Variants in SLC18A2 observed in about 807,000 individuals in gnomAD.
SLC18A2 encodes synaptic vesicular amine transporter.
In SLC18A2, 33 loss-of-function variants were observed where a neutral mutation model predicts 59.2. That is an observed-to-expected ratio of 0.56 (90% CI 0.42 to 0.75). SLC18A2 has a LOEUF of 0.75. SLC18A2 is among the 30% of genes least tolerant of loss of function. The probability of loss-of-function intolerance (pLI) is 0.00; values close to 1 mark genes in which losing one functional copy is unlikely to be tolerated. For missense variants in SLC18A2, 569 were observed against 668.6 expected, an observed-to-expected ratio of 0.85 and a Z score of 1.64; for synonymous variants, 228 against 253.5, an observed-to-expected ratio of 0.90 and a Z score of 0.95.
intron 3 of SLC18A2, among the ~76,000 whole-genome samples, chr10:117,246,244 G>A (rs567182692): frequency 2.0e-5 from 3 of 152,346 alleles, no homozygotes; most frequent in Admixed American, 6.5e-5. Flanking sequence ...TGGGTGGAAC[G>A]TTACTAGCCG....
intron 10 of SLC18A2, among the ~76,000 whole-genome samples, chr10:117,266,050 G>A (rs2532808): frequency 0.82 from 120,599 of 147,890 alleles, 50,261 homozygotes; most frequent in Non-Finnish European, 0.91. Flanking sequence ...AGATCGTGCC[G>A]CTGCACTCCA....
rs1044557375 is a variant in SLC18A2 at position 117,253,088 on chromosome 10, G to T, written c.465-311G>T. On this transcript the variant is annotated intron_variant, in intron 3 of 15. Transcript: ENST00000644641. ...GCTTTAGCAAAGACTATAATTAAAG[G>T]AATCATTTTTTAAAAATGACAGAAA... Among the ~76,000 whole-genome samples, 8 of 152,256 alleles carry T rather than the reference G, an allele frequency of 5.3e-5. No individual in the cohort carries two copies. In the South Asian group the frequency reaches 1.7e-3, roughly 32 times the overall value.
In SLC18A2 at chr10:117,269,683, CAT is replaced by C. The variant is rs1404242674; in HGVS notation, c.1187-387_1187-386del. 6.6e-6 allele frequency among the ~76,000 whole-genome samples: 1 copy of C among 152,210 alleles called. No individual in the cohort carries two copies. The highest frequency in any genetic ancestry group is 1.9e-4 in the East Asian group (1 of 5,200). On this transcript the variant is annotated intron_variant, in intron 13 of 15. Coordinates refer to ENST00000644641, the MANE Select transcript of SLC18A2 (RefSeq NM_003054.6). The surrounding 1 kb of genome is among the most constrained non-coding windows in gnomAD (Gnocchi z 5.1). ...TCAGAGGTTGGTGCCCTCCCCTCCA[CAT>C]GTGTCAGTGGCAGGCACATGAGGAA...
Position 117,241,693 on chromosome 10 carries a change from C to A in SLC18A2, c.-1C>A. On this transcript the variant is annotated 5_prime_UTR_variant, in exon 2 of 16. Transcript: ENST00000644641. ...CGCGCCCGCAGCGGAGCCCCGGAGC[C>A]ATGGCCCTGAGCGAGCTGGCGCTGG... The A allele has an allele frequency of 6.3e-7, 1 of 1,588,914 alleles. No individual in the cohort carries two copies.
chr10:117,241,853 C>G (rs995866861), intron 2 of SLC18A2, 39 bp downstream of exon 2: 1 of 1,561,496 alleles, frequency 6.4e-7, no homozygotes. Flanking sequence ...GGCACCCCAG[C>G]CCCAGCGCCC....
At chr10:117,263,823 G>A (rs1184078887) in intron 10 of SLC18A2, among the ~76,000 whole-genome samples, 1 of 152,166 alleles carries the variant, frequency 6.6e-6, no homozygotes, top group Admixed American at 6.5e-5. Context: ...TGTATTTAAT[G>A]AGCTGTGGGG....
rs887698221 is a variant in SLC18A2, at chr10:117,243,966, C to T, written c.122-5C>T. On this transcript the variant is annotated splice_region_variant and splice_polypyrimidine_tract_variant and intron_variant, in intron 2 of 15. Transcript: ENST00000644641. The stretch of plus-strand genomic sequence containing the variant: ...ACCACCTTGCCATTCTGCTCTTATC[C>T]CCAGTCCCCATCATCCCAAGTTATC... 6.2e-7 allele frequency: 1 copy of T among 1,609,130 alleles called. No homozygotes were observed. Among genetic ancestry groups the T allele is most frequent in the Non-Finnish European group, 8.5e-7 (1 of 1,176,850 alleles).
intron 6 of SLC18A2, among the ~76,000 whole-genome samples, chr10:117,254,946 C>G (rs1055818279): frequency 6.6e-6 from 1 of 152,250 alleles, no homozygotes; most frequent in Non-Finnish European, 1.5e-5. Context: ...GAGCCTGCAG[C>G]CTTGCCTGCG....
intron 3 of SLC18A2, among the ~76,000 whole-genome samples, chr10:117,245,088 G>A (rs1362678085): frequency 6.6e-6 from 1 of 152,226 alleles, no homozygotes; most frequent in African/African-American, 2.4e-5. Context: ...GTCCGTGGGG[G>A]CTCAAAGCTC....
chr10:117,248,271 G>GT (rs1182286482), intron 3 of SLC18A2, among the ~76,000 whole-genome samples: 18 of 152,054 alleles, frequency 1.2e-4, no homozygotes, highest in Admixed American at 3.9e-4. Flanking sequence ...GGCCCTGTCT[G>GT]TTTTTTTTAA....
chr10:117,267,409 G>T lies in SLC18A2; in HGVS notation c.1123-264G>T, dbSNP rs1589984315. The T allele has an allele frequency of 6.8e-6, 3 of 439,522 alleles. No individual in the cohort carries two copies. In the East Asian group the frequency reaches 1.0e-4, roughly 15 times the overall value. 27.2% of individuals were successfully genotyped at this position (439,522 alleles called of 1,614,324 possible). ...TCCCTCATGAGGCCTACTTGTTCTTGTCAAAACTTGAGGGTGGACTAGGCT... is the reference window on the plus strand; with the variant it reads ...TCCCTCATGAGGCCTACTTGTTCTTTTCAAAACTTGAGGGTGGACTAGGCT... On this transcript the variant is annotated intron_variant, in intron 12 of 15. Coordinates refer to ENST00000644641, the MANE Select transcript of SLC18A2 (RefSeq NM_003054.6).
rs763031075 is a variant in SLC18A2 at position 117,244,017 on chromosome 10, T to C, written c.168T>C (p.Asn56=). Residue 56 remains asparagine, a synonymous_variant, in exon 3 of 16, where the codon AAT becomes AAC. Coordinates refer to ENST00000644641, the MANE Select transcript of SLC18A2 (RefSeq NM_003054.6). ...SYLYSIKHEK[N]ATEIQTARPV... is the part of the protein sequence containing the mutation. ...TGTACAGCATTAAGCATGAGAAGAATGCTACAGAAATCCAGACGGCCAGGC... is the reference window on the plus strand; with the variant it reads ...TGTACAGCATTAAGCATGAGAAGAACGCTACAGAAATCCAGACGGCCAGGC... The C allele has an allele frequency of 6.2e-7, 1 of 1,614,156 alleles. No homozygotes were observed. Among genetic ancestry groups the C allele is most frequent in the East Asian group, 2.2e-5 (1 of 44,882 alleles).
At position 117,244,327 on chromosome 10, in the gene SLC18A2, C is replaced by A; in HGVS notation, c.464+14C>A. ...ACTGACCAACAGGTAGGGCAGACTA[C>A]TTTAGTCAAAGAGTTTGATATTTGT... On this transcript the variant is annotated intron_variant, in intron 3 of 15. Coordinates refer to ENST00000644641, the MANE Select transcript of SLC18A2 (RefSeq NM_003054.6). The A allele has an allele frequency of 6.2e-7, 1 of 1,600,364 alleles. No individual in the cohort carries two copies. The highest frequency in any genetic ancestry group is 8.5e-7 in the Non-Finnish European group (1 of 1,171,020).
intron 15 of SLC18A2, among the ~76,000 whole-genome samples, chr10:117,273,419 G>A (rs946324872): frequency 3.9e-5 from 6 of 152,240 alleles, no homozygotes; most frequent in East Asian, 1.9e-4. Flanking sequence ...GACAAGTCAC[G>A]CTTCTTAATT....
At chr10:117,268,502 T>C (rs556172978) in intron 13 of SLC18A2, 1 of 152,442 alleles carries the variant, frequency 6.6e-6, no homozygotes, top group Non-Finnish European at 1.5e-5. Flanking sequence ...TGGCCCATCT[T>C]TTTAGGGAGG....
chr10:117,248,411 T>C (rs989081232), intron 3 of SLC18A2, among the ~76,000 whole-genome samples: 2 of 152,216 alleles, frequency 1.3e-5, no homozygotes, highest in African/African-American at 2.4e-5. Context: ...CTGCTGAAAA[T>C]ATATGACCAG....
chr10:117,274,972 A>G (rs1266745310), intron 15 of SLC18A2, among the ~76,000 whole-genome samples: 1 of 152,130 alleles, frequency 6.6e-6, no homozygotes, highest in Non-Finnish European at 1.5e-5. Flanking sequence ...CTCAAAGTTG[A>G]CACTGTTGTC....
chr10:117,247,027 T>C (rs1470624760), intron 3 of SLC18A2, among the ~76,000 whole-genome samples: 2 of 152,230 alleles, frequency 1.3e-5, no homozygotes, highest in Non-Finnish European at 2.9e-5. Context: ...AGATATGAAT[T>C]TGGGGACTGG....
chr10:117,257,611 C>T (rs982711611), intron 9 of SLC18A2, among the ~76,000 whole-genome samples, 186 bp from the exon 10 acceptor site: 3 of 152,166 alleles, frequency 2.0e-5, no homozygotes, highest in African/African-American at 7.2e-5. Flanking sequence ...AAAATGAGGA[C>T]GACGACGACC....
Sources: gnomAD v4.1 joint callset for allele counts (sites outside exome capture counted in the v4.1 genomes callset) on GRCh38, gnomAD v4.1.1 for gene constraint, Gnocchi (gnomAD v3.1) non-coding constraint, MANE v1.5 for transcripts, NCBI Gene and HGNC (gene_info 2026-07-23, HGNC 2026-07-21) for gene names.